Variants in ERBB4 observed in about 807,000 individuals in gnomAD.
ERBB4 encodes erb-b2 receptor tyrosine kinase 4.
A neutral mutation model predicts 158.0 loss-of-function variants in ERBB4; 42 were observed. The observed-to-expected ratio is 0.27, with a 90% CI of 0.21 to 0.34. The LOEUF is 0.34. Among genes scored for constraint, ERBB4 ranks in the 10% least tolerant of loss-of-function variants. The probability of loss-of-function intolerance (pLI) is 1.00; values close to 1 mark genes in which losing one functional copy is unlikely to be tolerated. For missense variants in ERBB4, 1,333 were observed against 1,624.1 expected, an observed-to-expected ratio of 0.82 and a Z score of 3.08; for synonymous variants, 583 against 558.7, an observed-to-expected ratio of 1.04 and a Z score of -0.61.
At chr2:212,164,136 G>A (rs569008780) in intron 1 of ERBB4, among the ~76,000 whole-genome samples, 32 of 151,852 alleles carry the variant, frequency 2.1e-4, no homozygotes, top group African/African-American at 7.5e-4. Context: ...GCTGATGTTA[G>A]ACATATAACA....
At chr2:211,630,733 C>T in intron 16 of ERBB4, 139 bp from the exon 17 acceptor site, 1 of 819,174 alleles carries the variant, frequency 1.2e-6, no homozygotes, top group Non-Finnish European at 1.9e-6. Context: ...TATAAAAGTG[C>T]ATTAGGTTTT....
Position 212,001,132 on chromosome 2 carries a change from A to T in ERBB4, c.235-53516T>A, listed in dbSNP as rs536622937. On this transcript the variant is annotated intron_variant, in intron 2 of 27. Coordinates refer to ENST00000342788, the MANE Select transcript of ERBB4 (RefSeq NM_005235.3). Reference sequence around the variant, plus strand: ...TTATTTTTAACAGGTTTTGAATATTAATTTAAACTTGTATATTTACACTAC... The same window carrying T: ...TTATTTTTAACAGGTTTTGAATATTTATTTAAACTTGTATATTTACACTAC... Among the ~76,000 whole-genome samples, 5 of 152,212 alleles carry T rather than the reference A, an allele frequency of 3.3e-5. No homozygotes were observed. The East Asian group carries it at 9.6e-4, about 29-fold the overall frequency.
intron 1 of ERBB4, among the ~76,000 whole-genome samples, chr2:212,186,543 G>A (rs550404786): frequency 3.9e-5 from 6 of 152,092 alleles, no homozygotes; most frequent in African/African-American, 1.2e-4. Context: ...AATTGTTCCC[G>A]ACCTGATTTT....
At chr2:211,744,723 T>C (rs2074909144) in intron 5 of ERBB4, among the ~76,000 whole-genome samples, 2 of 152,332 alleles carry the variant, frequency 1.3e-5, no homozygotes, top group South Asian at 4.1e-4. Context: ...GAGACACCTG[T>C]GGGAAGATGT....
chr2:212,521,360 A>C (rs1040027916), intron 1 of ERBB4, among the ~76,000 whole-genome samples: 4 of 151,872 alleles, frequency 2.6e-5, no homozygotes, highest in Non-Finnish European at 4.4e-5. Context: ...AGAGAGCCAA[A>C]TTCTTCCTCA....
intron 12 of ERBB4, among the ~76,000 whole-genome samples, chr2:211,699,788 C>G (rs2073164225): frequency 1.3e-5 from 2 of 152,034 alleles, no homozygotes; most frequent in East Asian, 1.9e-4. Flanking sequence ...TATATTTTAG[C>G]TTATTATCAT....
intron 23 of ERBB4, 116 bp downstream of exon 23, chr2:211,424,039 A>T: frequency 9.8e-7 from 1 of 1,022,608 alleles, no homozygotes; most frequent in Non-Finnish European, 1.5e-6. Flanking sequence ...TTCCTTTCAT[A>T]ATTGTTTTTG....
chr2:212,297,599 T>A (rs972621393), intron 1 of ERBB4, among the ~76,000 whole-genome samples: 1 of 151,754 alleles, frequency 6.6e-6, no homozygotes, highest in Non-Finnish European at 1.5e-5. Flanking sequence ...ACAGAAAGAC[T>A]TGAAAGATCA....
intron 3 of ERBB4, among the ~76,000 whole-genome samples, chr2:211,934,941 A>AAAAAAAAAAAAAAAAAAAAAAAAAAC (rs1575401060): frequency 6.7e-6 from 1 of 150,222 alleles, no homozygotes; most frequent in Non-Finnish European, 1.5e-5. Flanking sequence ...AAAAAAAAAA[A>AAAAAAAAAAAAAAAAAAAAAAAAAAC]CTGCCTTGAA....
chr2:212,009,611 G>T (rs150414822), intron 2 of ERBB4, among the ~76,000 whole-genome samples: 50 of 152,202 alleles, frequency 3.3e-4, no homozygotes, highest in African/African-American at 1.2e-3. Context: ...TTTCAAAACA[G>T]TCTATTTTAA....
At chr2:212,417,168 G>C (rs1010489293) in intron 1 of ERBB4, among the ~76,000 whole-genome samples, 1 of 151,922 alleles carries the variant, frequency 6.6e-6, no homozygotes, top group African/African-American at 2.4e-5. Context: ...GTTTTACCTC[G>C]TACATCATCA....
chr2:211,494,648 T>A (rs539625133), intron 20 of ERBB4, among the ~76,000 whole-genome samples: 1 of 152,094 alleles, frequency 6.6e-6, no homozygotes, highest in Non-Finnish European at 1.5e-5. Flanking sequence ...ACCTAATGAT[T>A]CTCTGAAATT....
At chr2:212,451,953 C>T (rs1574946397) in intron 1 of ERBB4, among the ~76,000 whole-genome samples, 1 of 151,104 alleles carries the variant, frequency 6.6e-6, no homozygotes, top group Admixed American at 6.6e-5. Flanking sequence ...AATAGAACAA[C>T]AGAAGGATTG....
At chr2:211,814,697 A>G (rs2076839293) in intron 3 of ERBB4, among the ~76,000 whole-genome samples, 1 of 152,194 alleles carries the variant, frequency 6.6e-6, no homozygotes, top group Non-Finnish European at 1.5e-5. Flanking sequence ...AGAAGTCTCA[A>G]AACAGGTAGA....
At position 211,826,248 on chromosome 2, in the gene ERBB4, A is replaced by T. The variant is rs186816692; in HGVS notation, c.422-38089T>A. Among the ~76,000 whole-genome samples, 1,302 of 151,888 alleles carry T rather than the reference A, an allele frequency of 8.6e-3. 20 individuals are homozygous for T. The highest frequency in any genetic ancestry group is 0.029 in the African/African-American group (1,223 of 41,502). On this transcript the variant is annotated intron_variant, in intron 3 of 27. Coordinates refer to ENST00000342788, the MANE Select transcript of ERBB4 (RefSeq NM_005235.3). ...TGCATAATCCTTCATTGCTTTTTTT[A>T]AAAAAATCCAGCACATATTGATTGA... is the stretch of plus-strand genomic sequence containing the variant.
chr2:211,721,009 C>T (rs1382316044), intron 7 of ERBB4, among the ~76,000 whole-genome samples: 4 of 152,186 alleles, frequency 2.6e-5, no homozygotes, highest in African/African-American at 7.2e-5. Flanking sequence ...CTGGCCTGCA[C>T]ACGTGCCATT....
rs145966570 is a variant in ERBB4, at chr2:212,001,994, C to T, written c.235-54378G>A. On this transcript the variant is annotated intron_variant, in intron 2 of 27. Transcript: ENST00000342788. Reference sequence around the variant, plus strand: ...ATTTTCCACTTATAATTTTGGCGTACATTTATGTATCCGTTTTTAAATAAA... The same window carrying T: ...ATTTTCCACTTATAATTTTGGCGTATATTTATGTATCCGTTTTTAAATAAA... 2.1e-3 allele frequency among the ~76,000 whole-genome samples: 323 copies of T among 152,210 alleles called. 1 individual carries two copies. The highest frequency in any genetic ancestry group is 7.6e-3 in the African/African-American group (317 of 41,520).
intron 4 of ERBB4, among the ~76,000 whole-genome samples, chr2:211,754,206 A>G (rs2075225754): frequency 6.6e-6 from 1 of 151,618 alleles, no homozygotes; most frequent in African/African-American, 2.4e-5. Context: ...TGTCTGTCAT[A>G]TTCAGTGTGA....
intron 20 of ERBB4, among the ~76,000 whole-genome samples, chr2:211,521,474 G>A (rs1483461468): frequency 6.6e-6 from 1 of 152,124 alleles, no homozygotes; most frequent in Non-Finnish European, 1.5e-5. Flanking sequence ...AAGGAAAGAA[G>A]GCATCTCCAT....
Sources: gnomAD v4.1 joint callset for allele counts (sites outside exome capture counted in the v4.1 genomes callset) on GRCh38, gnomAD v4.1.1 for gene constraint, MANE v1.5 for transcripts, NCBI Gene and HGNC (gene_info 2026-07-23, HGNC 2026-07-21) for gene names.